Variants in PGM2L1 observed in about 807,000 individuals in gnomAD.
PGM2L1 encodes phosphoglucomutase 2 like 1, also known as glucose 1,6-bisphosphate synthase.
Under a neutral mutation model 73.4 loss-of-function variants are expected in PGM2L1, and 35 were observed. The observed-to-expected ratio is 0.48, with a 90% CI of 0.36 to 0.63. PGM2L1 has a LOEUF of 0.63. Among genes scored for constraint, PGM2L1 ranks in the 30% least tolerant of loss-of-function variants. The probability of loss-of-function intolerance (pLI) is 0.00; values close to 1 mark genes in which losing one functional copy is unlikely to be tolerated. For synonymous variants in PGM2L1, 225 were observed against 253.8 expected, an observed-to-expected ratio of 0.89 and a Z score of 1.08; for missense variants, 570 against 742.0, an observed-to-expected ratio of 0.77 and a Z score of 2.69.
intron 5 of PGM2L1, among the ~76,000 whole-genome samples, chr11:74,353,211 T>C (rs930660975): frequency 1.2e-4 from 18 of 152,208 alleles, no homozygotes; most frequent in African/African-American, 4.3e-4. Context: ...ATTGAATATT[T>C]TAATATCCTA....
chr11:74,353,185 TG>T, intron 5 of PGM2L1, among the ~76,000 whole-genome samples: 1 of 128,992 alleles, frequency 7.8e-6, no homozygotes, highest in Non-Finnish European at 1.8e-5. Flanking sequence ...TGTTTTTTTG[TG>T]TGTGTGTGTG....
chr11:74,356,301 G>C (rs143204272), intron 5 of PGM2L1, among the ~76,000 whole-genome samples: 1 of 152,040 alleles, frequency 6.6e-6, no homozygotes, highest in African/African-American at 2.4e-5. Context: ...GGAATTATTG[G>C]TTATAAAAAT....
At chr11:74,386,826 A>G (rs1371877887) in intron 1 of PGM2L1, among the ~76,000 whole-genome samples, 1 of 152,190 alleles carries the variant, frequency 6.6e-6, no homozygotes, top group Admixed American at 6.5e-5. Context: ...ATTTTAACTG[A>G]AAAAGAAAAT....
At chr11:74,396,977 A>G (rs369883688) in intron 1 of PGM2L1, among the ~76,000 whole-genome samples, 6 of 152,320 alleles carry the variant, frequency 3.9e-5, no homozygotes, top group African/African-American at 1.4e-4. Flanking sequence ...CCTCACAAGT[A>G]TTTCCTGGGT....
intron 2 of PGM2L1, 52 bp from the exon 3 acceptor site, chr11:74,371,869 A>G (rs1413442227): frequency 1.4e-6 from 2 of 1,398,166 alleles, no homozygotes; most frequent in East Asian, 2.3e-5. Context: ...TGCATTTCAT[A>G]TGACTCAGAA....
chr11:74,373,366 C>G (rs1017382120), intron 2 of PGM2L1, among the ~76,000 whole-genome samples: 1 of 152,192 alleles, frequency 6.6e-6, no homozygotes, highest in African/African-American at 2.4e-5. Flanking sequence ...TCCTTCTCTC[C>G]TACCCCTGCA....
intron 1 of PGM2L1, chr11:74,397,782 AGCAC>A (rs1271925193): frequency 5.8e-5 from 19 of 326,872 alleles, no homozygotes; most frequent in Admixed American, 5.4e-4. Context: ...GAGGGAAGAC[AGCAC>A]TTGAAAGGAA....
At chr11:74,395,496 C>A (rs665682) in intron 1 of PGM2L1, among the ~76,000 whole-genome samples, 1 of 147,940 alleles carries the variant, frequency 6.8e-6, no homozygotes, top group African/African-American at 2.5e-5. Flanking sequence ...AAGTGATTCT[C>A]TGGCCTCAGC....
chr11:74,340,295 G>T (rs1862164082), intron 12 of PGM2L1, among the ~76,000 whole-genome samples: 1 of 152,132 alleles, frequency 6.6e-6, no homozygotes, highest in Non-Finnish European at 1.5e-5. Flanking sequence ...ACTTTAACGA[G>T]AATTAAGAGG....
Position 74,334,178 on chromosome 11 carries a change from T to C in PGM2L1, c.*2474A>G, listed in dbSNP as rs1211427246. On this transcript the variant is annotated 3_prime_UTR_variant, in exon 14 of 14. Transcript: ENST00000298198. Reference sequence around the variant, plus strand: ...ACTTTTCACCTTAAGATGACTTAAATGTTGCATTATATTAAAGCACTCAAA... The same window carrying C: ...ACTTTTCACCTTAAGATGACTTAAACGTTGCATTATATTAAAGCACTCAAA... The C allele has an allele frequency of 6.6e-6, 1 of 152,224 alleles. No individual in the cohort carries two copies. Among genetic ancestry groups the C allele is most frequent in the African/African-American group, 2.4e-5 (1 of 41,450 alleles). The allele number at this position is 152,224 out of a possible 1,614,324, so 9.4% of individuals were successfully genotyped here.
At chr11:74,382,844 A>T (rs953509929) in intron 1 of PGM2L1, among the ~76,000 whole-genome samples, 2 of 152,196 alleles carry the variant, frequency 1.3e-5, no homozygotes, top group African/African-American at 2.4e-5. Flanking sequence ...CCCAGGTTCC[A>T]GCAGAGGGAA....
intron 5 of PGM2L1, among the ~76,000 whole-genome samples, chr11:74,357,693 G>A (rs1862481139): frequency 6.6e-6 from 1 of 152,228 alleles, no homozygotes; most frequent in African/African-American, 2.4e-5. Flanking sequence ...TGAAAGGAAT[G>A]AAGACTTATG....
At chr11:74,388,880 A>G (rs1272553503) in intron 1 of PGM2L1, among the ~76,000 whole-genome samples, 2 of 152,238 alleles carry the variant, frequency 1.3e-5, no homozygotes, top group African/African-American at 4.8e-5. Context: ...ACTAATTAGT[A>G]GTAATGCAGA....
intron 1 of PGM2L1, 189 bp downstream of exon 1, chr11:74,397,862 T>C (rs1168020963): frequency 2.0e-6 from 2 of 1,009,670 alleles, no homozygotes; most frequent in Admixed American, 3.5e-5. Flanking sequence ...ATGCAGATGT[T>C]GCCGCCCGGC....
intron 1 of PGM2L1, among the ~76,000 whole-genome samples, chr11:74,381,983 T>A (rs1391693221): frequency 6.7e-6 from 1 of 149,060 alleles, no homozygotes; most frequent in African/African-American, 2.5e-5. Flanking sequence ...TTATTAAGAA[T>A]TTTTAAAATG....
At chr11:74,353,788 C>T (rs532187955) in intron 5 of PGM2L1, among the ~76,000 whole-genome samples, 1 of 105,192 alleles carries the variant, frequency 9.5e-6, no homozygotes, top group South Asian at 3.2e-4. Flanking sequence ...CCCACACTTC[C>T]CCCACTTCCA....
Position 74,334,400 on chromosome 11 carries a change from C to T in PGM2L1, c.*2252G>A, listed in dbSNP as rs1862060187. On this transcript the variant is annotated 3_prime_UTR_variant, in exon 14 of 14. Transcript: ENST00000298198. ...ATGCCATTTCCTAAATTACAATCTA[C>T]ATTCTTAAAAGCATATAAAACAAAA... 6.6e-6 allele frequency: 1 copy of T among 152,196 alleles called. No homozygotes were observed. The highest frequency in any genetic ancestry group is 1.5e-5 in the Non-Finnish European group (1 of 68,026). 9.4% of individuals were successfully genotyped at this position (152,196 alleles called of 1,614,324 possible).
Position 74,365,186 on chromosome 11 carries a change from C to A in PGM2L1, c.555+3306G>T, listed in dbSNP as rs778904293. ...TATGTAGAAAGCTGAAACTGGATCCCTTCCTTACACCTTATACAAAAATTA... is the reference window on the plus strand; with the variant it reads ...TATGTAGAAAGCTGAAACTGGATCCATTCCTTACACCTTATACAAAAATTA... On this transcript the variant is annotated intron_variant, in intron 5 of 13. Transcript: ENST00000298198. Among the ~76,000 whole-genome samples the A allele has an allele frequency of 3.5e-3, 539 of 151,934 alleles. 13 individuals carry two copies. Among genetic ancestry groups the A allele is most frequent in the Non-Finnish European group, 3.9e-3 (266 of 67,922 alleles).
intron 12 of PGM2L1, among the ~76,000 whole-genome samples, chr11:74,341,266 C>T (rs1409386246): frequency 6.6e-6 from 1 of 152,150 alleles, no homozygotes; most frequent in Non-Finnish European, 1.5e-5. Flanking sequence ...CTTAAGGAAA[C>T]TCACAGGCCT....
Sources: gnomAD v4.1 joint callset for allele counts (sites outside exome capture counted in the v4.1 genomes callset) on GRCh38, gnomAD v4.1.1 for gene constraint, MANE v1.5 for transcripts, NCBI Gene and HGNC (gene_info 2026-07-23, HGNC 2026-07-21) for gene names.